FGGY: variants seen among roughly 807,000 people sequenced by gnomAD.
FGGY encodes FGGY carbohydrate kinase domain-containing protein.
FGGY carries 72 observed loss-of-function variants against 71.3 expected under a neutral mutation model. The ratio of observed to expected loss-of-function variants is 1.01; its 90% CI spans 0.84 to 1.23. FGGY has a LOEUF of 1.23. Among genes scored for constraint, FGGY ranks in the 50% most tolerant of loss-of-function variants. The pLI is 0.00. For synonymous variants in FGGY, 251 were observed against 250.3 expected, an observed-to-expected ratio of 1.00 and a Z score of -0.02; for missense variants, 668 against 682.3, an observed-to-expected ratio of 0.98 and a Z score of 0.23.
At chr1:59,759,657 G>A (rs2098326103) in intron 15 of FGGY, among the ~76,000 whole-genome samples, 1 of 152,212 alleles carries the variant, frequency 6.6e-6, no homozygotes, top group Non-Finnish European at 1.5e-5. Context: ...GCAACCCAGA[G>A]ATTTGCAAGG....
chr1:59,716,454 T>C (rs1362336043), intron 14 of FGGY, among the ~76,000 whole-genome samples: 1 of 152,170 alleles, frequency 6.6e-6, no homozygotes, highest in Non-Finnish European at 1.5e-5. Context: ...ATGAAGAAAC[T>C]ACATCTTGAT....
intron 8 of FGGY, among the ~76,000 whole-genome samples, chr1:59,558,940 C>G (rs903339356): frequency 8.5e-5 from 13 of 152,176 alleles, no homozygotes; most frequent in African/African-American, 2.9e-4. Flanking sequence ...TTTAGGCTGT[C>G]TGCAAGAAGA....
Position 59,673,991 on chromosome 1 carries a change from C to G in FGGY, c.1418-48C>G, listed in dbSNP as rs757731736. On this transcript the variant is annotated intron_variant, in intron 13 of 15. Coordinates refer to ENST00000303721, the MANE Select transcript of FGGY (RefSeq NM_018291.5). ...TGCGGCTGCTTGTTGGCTCCTCACACTCCCCTGGCTCTGCTCCCTAACCAA... is the reference window on the plus strand; with the variant it reads ...TGCGGCTGCTTGTTGGCTCCTCACAGTCCCCTGGCTCTGCTCCCTAACCAA... 3.2e-6 allele frequency: 5 copies of G among 1,563,562 alleles called. No homozygotes were observed. In the African/African-American group the frequency reaches 6.8e-5, roughly 21 times the overall value.
In FGGY at chr1:59,613,295, G is replaced by A. The variant is rs142408734; in HGVS notation, c.1011+5385G>A. 9.0e-3 allele frequency among the ~76,000 whole-genome samples: 1,373 copies of A among 152,282 alleles called. 33 individuals carry two copies. Among genetic ancestry groups the A allele is most frequent in the Admixed American group, 0.058 (888 of 15,284 alleles). On this transcript the variant is annotated intron_variant, in intron 9 of 15. Coordinates refer to ENST00000303721, the MANE Select transcript of FGGY (RefSeq NM_018291.5). ...TAAAGGACAGAAATTATAACAAACT[G>A]TCTCTCAGACCACAGTGCAATCAAA...
chr1:59,584,880 CAAAG>C (rs2096256637), intron 8 of FGGY, among the ~76,000 whole-genome samples: 1 of 149,752 alleles, frequency 6.7e-6, no homozygotes, highest in Admixed American at 6.6e-5. Context: ...CCAGTACAGA[CAAAG>C]AGAGAGCCAA....
chr1:59,395,916 T>C (rs1557788092), intron 5 of FGGY, among the ~76,000 whole-genome samples: 1 of 152,192 alleles, frequency 6.6e-6, no homozygotes, highest in East Asian at 1.9e-4. Flanking sequence ...GTTAACTAAT[T>C]ATTAAAGGAA....
At position 59,457,051 on chromosome 1, in the gene FGGY, T is replaced by C. The variant is rs967192104; in HGVS notation, c.645T>C (p.Phe215=). ...GGAAAATGATTGGTTTGGAAGACTT[T>C]GTTGCAGATAATTACAGCAAAATAG... ...SFWKMIGLED[F]VADNYSKIGN... Residue 215 remains phenylalanine (F), a synonymous_variant, in exon 6 of 16, where the codon TTT becomes TTC. Transcript: ENST00000303721. The C allele has an allele frequency of 6.2e-7, 1 of 1,613,880 alleles. No individual in the cohort carries two copies. The highest frequency in any genetic ancestry group is 1.3e-5 in the African/African-American group (1 of 75,058).
chr1:59,537,245 C>A (rs989819115), intron 7 of FGGY, among the ~76,000 whole-genome samples: 1 of 151,844 alleles, frequency 6.6e-6, no homozygotes, highest in Non-Finnish European at 1.5e-5. Context: ...CTCCCATTCA[C>A]AATTGCTTCA....
intron 6 of FGGY, among the ~76,000 whole-genome samples, chr1:59,504,596 T>A (rs946755733): frequency 1.3e-5 from 2 of 152,240 alleles, no homozygotes; most frequent in Non-Finnish European, 2.9e-5. Context: ...TCTATGTGGA[T>A]GATTGCTGTG....
Position 59,422,280 on chromosome 1 carries a change from A to T in FGGY, c.555-34681A>T, listed in dbSNP as rs55802608. 4.7e-4 allele frequency among the ~76,000 whole-genome samples: 71 copies of T among 152,190 alleles called. 2 individuals carry two copies. Among genetic ancestry groups the T allele is most frequent in the Admixed American group, 4.1e-3 (63 of 15,286 alleles). On this transcript the variant is annotated intron_variant, in intron 5 of 15. Coordinates refer to ENST00000303721, the MANE Select transcript of FGGY (RefSeq NM_018291.5). Reference sequence around the variant, plus strand: ...ATAGTTTGGTGATTTACCAGGTTCAATGCCTTTTAATAGATTCAGTTGCTC... The same window carrying T: ...ATAGTTTGGTGATTTACCAGGTTCATTGCCTTTTAATAGATTCAGTTGCTC...
chr1:59,492,161 A>C (rs879567098), intron 6 of FGGY, among the ~76,000 whole-genome samples: 2 of 152,158 alleles, frequency 1.3e-5, no homozygotes, highest in Non-Finnish European at 2.9e-5. Flanking sequence ...CCCCACTATA[A>C]TGCGTCCATC....
intron 5 of FGGY, among the ~76,000 whole-genome samples, chr1:59,429,508 A>G (rs1300171883): frequency 2.6e-5 from 4 of 152,208 alleles, no homozygotes; most frequent in Non-Finnish European, 5.9e-5. Context: ...CTCAAATGGT[A>G]AATATCAGGG....
intron 8 of FGGY, among the ~76,000 whole-genome samples, chr1:59,556,515 A>G (rs993143819): frequency 6.6e-6 from 1 of 152,222 alleles, no homozygotes; most frequent in Non-Finnish European, 1.5e-5. Context: ...TCCAAAGCTC[A>G]TACTCCTCCT....
intron 8 of FGGY, among the ~76,000 whole-genome samples, chr1:59,584,053 G>T (rs376778247): frequency 4.7e-5 from 7 of 149,716 alleles, no homozygotes; most frequent in Admixed American, 1.3e-4. Context: ...GTCCAGGACC[G>T]GATGGATTCA....
chr1:59,699,280 G>A (rs920790654), intron 14 of FGGY: 1 of 984,974 alleles, frequency 1.0e-6, no homozygotes, highest in East Asian at 1.1e-4. Flanking sequence ...AGTTTAAAAG[G>A]AAATTAAAAA....
intron 5 of FGGY, among the ~76,000 whole-genome samples, chr1:59,452,212 C>T (rs1010686679): frequency 1.3e-5 from 2 of 151,742 alleles, no homozygotes; most frequent in Non-Finnish European, 2.9e-5. Flanking sequence ...ATGTCAATCT[C>T]TTTGTATCTT....
At chr1:59,520,033 A>C (rs923455270) in intron 7 of FGGY, among the ~76,000 whole-genome samples, 3 of 152,224 alleles carry the variant, frequency 2.0e-5, no homozygotes, top group Non-Finnish European at 4.4e-5. Flanking sequence ...GGATGCTGCC[A>C]AACACCTTAC....
intron 4 of FGGY, among the ~76,000 whole-genome samples, chr1:59,354,665 T>G (rs77475019): frequency 0.024 from 3,721 of 152,250 alleles, 177 homozygotes; most frequent in African/African-American, 0.086. Context: ...ACTGAGTGTC[T>G]CCTGTGTGAG....
At chr1:59,468,894 G>A (rs961713457) in intron 6 of FGGY, among the ~76,000 whole-genome samples, 1 of 144,374 alleles carries the variant, frequency 6.9e-6, no homozygotes, top group Admixed American at 6.8e-5. Flanking sequence ...AAAAAAAAAA[G>A]GATCTTGACT....
Sources: gnomAD v4.1 joint callset for allele counts (sites outside exome capture counted in the v4.1 genomes callset) on GRCh38, gnomAD v4.1.1 for gene constraint, MANE v1.5 for transcripts, NCBI Gene and HGNC (gene_info 2026-07-23, HGNC 2026-07-21) for gene names.